The following LRP1B variants were observed in gnomAD, a reference collection of about 807,000 sequenced individuals.
LRP1B encodes the protein low-density lipoprotein receptor-related protein 1B.
In LRP1B, 217 loss-of-function variants were observed where a neutral mutation model predicts 556.6. The ratio of observed to expected loss-of-function variants is 0.39; its 90% confidence interval spans 0.35 to 0.44. The LOEUF (loss-of-function observed/expected upper bound fraction) is 0.44. LRP1B is among the 20% of genes least tolerant of loss of function. LRP1B has a pLI of 1.00. For missense variants in LRP1B, 5,053 were observed against 5,620.8 expected (o/e 0.90, Z 3.23); for synonymous variants, 2,047 against 1,865.8 (o/e 1.10, Z -2.50).
chr2:141,480,694 G>T, intron 2 of LRP1B, 161 bp from the exon 3 acceptor site: 1 of 712,210 alleles, frequency 1.4e-6, no homozygotes. Context: ...TAGCCTATGT[G>T]ATTAAACACC....
intron 7 of LRP1B, among the ~76,000 whole-genome samples, chr2:141,101,282 T>TC (rs764137733): frequency 3.3e-5 from 5 of 152,120 alleles, no homozygotes; most frequent in Non-Finnish European, 5.9e-5. Flanking sequence ...TTTCCTTGTC[T>TC]CCCCACATAA....
At chr2:142,022,078 T>G (rs1328208381) in intron 1 of LRP1B, among the ~76,000 whole-genome samples, 4 of 152,116 alleles carry the variant, frequency 2.6e-5, no homozygotes, top group Non-Finnish European at 5.9e-5. Context: ...AAGTATGACT[T>G]GTGAATGTCA....
intron 3 of LRP1B, among the ~76,000 whole-genome samples, chr2:141,424,916 C>CTTT (rs1680297377): frequency 6.6e-6 from 1 of 151,914 alleles, no homozygotes; most frequent in South Asian, 2.1e-4. Context: ...GCTGATTTTT[C>CTTT]TTTATTATTA....
At chr2:140,585,648 A>T (rs945202624) in intron 43 of LRP1B, among the ~76,000 whole-genome samples, 1 of 152,186 alleles carries the variant, frequency 6.6e-6, no homozygotes, top group Non-Finnish European at 1.5e-5. Context: ...TCCAACACTG[A>T]AACAATGTTA....
intron 43 of LRP1B, among the ~76,000 whole-genome samples, chr2:140,581,764 TTC>T (rs1681772130): frequency 6.6e-6 from 1 of 152,144 alleles, no homozygotes; most frequent in Non-Finnish European, 1.5e-5. Flanking sequence ...TGTTCTCTTT[TTC>T]TCTCCCCCTC....
chr2:140,373,220 C>G (rs1489430508), intron 68 of LRP1B, 83 bp from the exon 69 acceptor site: 4 of 1,202,620 alleles, frequency 3.3e-6, no homozygotes, highest in Admixed American at 2.2e-5. Flanking sequence ...AACTTATGTA[C>G]AGAAAACCTG....
At chr2:140,993,625 C>T (rs191955535) in intron 16 of LRP1B, among the ~76,000 whole-genome samples, 1 of 151,952 alleles carries the variant, frequency 6.6e-6, no homozygotes, top group African/African-American at 2.4e-5. Flanking sequence ...ACCTTCTGTA[C>T]CAATAATTTT....
chr2:140,572,930 C>T (rs1681382976), intron 43 of LRP1B, among the ~76,000 whole-genome samples: 1 of 151,744 alleles, frequency 6.6e-6, no homozygotes, highest in African/African-American at 2.4e-5. Context: ...CACATGTTTT[C>T]ACTCATGTGT....
At chr2:140,356,866 T>C (rs1438397402) in intron 74 of LRP1B, among the ~76,000 whole-genome samples, 1 of 151,860 alleles carries the variant, frequency 6.6e-6, no homozygotes, top group Middle Eastern at 3.2e-3. Context: ...AATTTAGGCA[T>C]TTATTGCTAA....
At chr2:141,083,139 C>T (rs1012651100) in intron 7 of LRP1B, among the ~76,000 whole-genome samples, 2 of 152,062 alleles carry the variant, frequency 1.3e-5, no homozygotes, top group Admixed American at 6.5e-5. Context: ...ATAGCAAAAA[C>T]CATTTCTATT....
chr2:141,762,032 A>G (rs1694571848), intron 2 of LRP1B, among the ~76,000 whole-genome samples: 1 of 152,108 alleles, frequency 6.6e-6, no homozygotes, highest in African/African-American at 2.4e-5. Flanking sequence ...TCTTTTCTTC[A>G]TGTCTAAAAT....
chr2:141,030,353 A>G (rs1214142718), intron 11 of LRP1B, among the ~76,000 whole-genome samples: 6 of 152,102 alleles, frequency 3.9e-5, no homozygotes, highest in Admixed American at 2.0e-4. Context: ...GTATATCTCT[A>G]TATCTTTTTT....
At chr2:141,331,482 T>C (rs1374596822) in intron 3 of LRP1B, among the ~76,000 whole-genome samples, 1 of 137,584 alleles carries the variant, frequency 7.3e-6, no homozygotes, top group African/African-American at 2.8e-5. Context: ...TTAATCTTTG[T>C]TTCTTTTCTT....
chr2:141,767,781 G>C (rs186466917), intron 2 of LRP1B, among the ~76,000 whole-genome samples: 86 of 152,222 alleles, frequency 5.6e-4, no homozygotes, highest in African/African-American at 2.0e-3. Flanking sequence ...ATCCACAGGA[G>C]CAAGAAAATT....
chr2:141,542,827 C>A (rs1559129990), intron 2 of LRP1B, among the ~76,000 whole-genome samples: 1 of 151,988 alleles, frequency 6.6e-6, no homozygotes, highest in Non-Finnish European at 1.5e-5. Context: ...GTTAAACTAG[C>A]TTTAATTTCT....
intron 2 of LRP1B, among the ~76,000 whole-genome samples, chr2:141,749,877 GA>G (rs1694047616): frequency 6.6e-6 from 1 of 152,074 alleles, no homozygotes; most frequent in African/African-American, 2.4e-5. Flanking sequence ...CTGGATGCTT[GA>G]AACACCCATC....
chr2:140,371,011 G>C lies in LRP1B; in HGVS notation c.10875+168C>G, dbSNP rs539318807. Reference sequence around the variant, plus strand: ...AAATGAGAATGAGCTTTAGTATATGGACAGCATGAAAATTCAGGTATTTGC... The same window carrying C: ...AAATGAGAATGAGCTTTAGTATATGCACAGCATGAAAATTCAGGTATTTGC... On this transcript the variant is annotated intron_variant, in intron 70 of 90. Coordinates refer to ENST00000389484, the MANE Select transcript of LRP1B (RefSeq NM_018557.3). Among the ~76,000 whole-genome samples, 3 of 152,016 alleles carry C rather than the reference G, an allele frequency of 2.0e-5. No individual in the cohort carries two copies. In the South Asian group the frequency reaches 6.2e-4, roughly 32 times the overall value.
At chr2:140,329,456 T>C (rs1680677106) in intron 79 of LRP1B, among the ~76,000 whole-genome samples, 1 of 152,042 alleles carries the variant, frequency 6.6e-6, no homozygotes. Flanking sequence ...ATTCATAATG[T>C]CTCTGTTTGC....
chr2:141,327,461 T>C (rs1299231260), intron 3 of LRP1B, among the ~76,000 whole-genome samples: 1 of 152,118 alleles, frequency 6.6e-6, no homozygotes, highest in Non-Finnish European at 1.5e-5. Context: ...ATAAGCAAAC[T>C]GAGTCTCGGT....
Sources: allele counts gnomAD v4.1 joint callset (sites outside exome capture counted in the v4.1 genomes callset), GRCh38; gene constraint gnomAD v4.1.1; transcripts MANE v1.5; gene names NCBI Gene and HGNC (gene_info 2026-07-23, HGNC 2026-07-21).